Variants in LINGO2 observed in about 807,000 individuals in gnomAD.
The protein encoded by LINGO2 is leucine-rich repeat and immunoglobulin-like domain-containing nogo receptor-interacting protein 2.
LINGO2 carries 14 observed loss-of-function variants against 30.6 expected under a neutral mutation model. That is an observed-to-expected ratio of 0.46 (90% CI 0.30 to 0.72). The LOEUF is 0.72. LINGO2 is among the 30% of genes least tolerant of loss of function. The pLI, the probability that LINGO2 is intolerant of heterozygous loss-of-function variation, is 0.07. For synonymous variants in LINGO2, 317 were observed against 288.5 expected (o/e 1.10, Z -1.00); for missense variants, 729 against 751.7 (o/e 0.97, Z 0.35).
intron 4 of LINGO2, among the ~76,000 whole-genome samples, chr9:28,082,992 C>G (rs1387028266): frequency 1.3e-5 from 2 of 152,184 alleles, no homozygotes; most frequent in African/African-American, 2.4e-5. Flanking sequence ...TCCCATAGCA[C>G]TGGTGTTTAC....
At chr9:28,883,217 C>T in the LINGO2 span, among the ~76,000 whole-genome samples, 72 of 152,154 alleles carry the variant, frequency 4.7e-4, no homozygotes, top group South Asian at 5.8e-3. Context: ...TATTTAGAGA[C>T]GGAGTCTTGC....
the LINGO2 span, among the ~76,000 whole-genome samples, chr9:28,991,052 C>A: frequency 1.3e-5 from 2 of 152,026 alleles, no homozygotes; most frequent in African/African-American, 2.4e-5. Context: ...AGGCTTCAGA[C>A]GATCAAACTA....
intron 3 of LINGO2, among the ~76,000 whole-genome samples, chr9:28,345,915 G>C (rs1196630466): frequency 1.3e-5 from 2 of 152,104 alleles, no homozygotes; most frequent in Admixed American, 1.3e-4. Flanking sequence ...TATCATGACA[G>C]CGATCCCATT....
the LINGO2 span, among the ~76,000 whole-genome samples, chr9:28,845,400 G>A: frequency 6.6e-6 from 1 of 151,808 alleles, no homozygotes; most frequent in Non-Finnish European, 1.5e-5. Flanking sequence ...AATAAGAATT[G>A]CCTTTCATTA....
chr9:28,174,688 A>C (rs1828693854), intron 4 of LINGO2, among the ~76,000 whole-genome samples: 2 of 152,324 alleles, frequency 1.3e-5, no homozygotes, highest in Non-Finnish European at 2.9e-5. Context: ...TATACATCAC[A>C]CCGTATGGTG....
At chr9:29,117,184 G>A in the LINGO2 span, among the ~76,000 whole-genome samples, 3 of 152,262 alleles carry the variant, frequency 2.0e-5, no homozygotes, top group African/African-American at 4.8e-5. Flanking sequence ...TGATTGTTGA[G>A]GTTGTGCTCT....
rs537876214 is a variant in LINGO2, at chr9:28,519,075, C to A, written c.-364-43050G>T. ...GAGACAGGGTCTGACTCTTGTTGCC[C>A]AGGCTGGAGTGCGGTGGTATGATCA... is the stretch of plus-strand genomic sequence containing the variant. On this transcript the variant is annotated intron_variant, in intron 1 of 5. Coordinates refer to ENST00000379992, the Ensembl canonical transcript of LINGO2. 3.7e-4 allele frequency among the ~76,000 whole-genome samples: 56 copies of A among 152,148 alleles called. 1 individual carries two copies. Among genetic ancestry groups the A allele is most frequent in the Non-Finnish European group, 5.9e-4 (40 of 67,992 alleles).
chr9:28,653,801 A>C (rs1390772093), intron 1 of LINGO2, among the ~76,000 whole-genome samples: 1 of 152,072 alleles, frequency 6.6e-6, no homozygotes, highest in East Asian at 1.9e-4. Flanking sequence ...CTTTTCATTC[A>C]TCAGGGCACA....
intron 1 of LINGO2, among the ~76,000 whole-genome samples, chr9:28,517,956 T>C (rs140383272): frequency 6.6e-6 from 1 of 152,274 alleles, no homozygotes; most frequent in East Asian, 1.9e-4. Context: ...TGTTCGAACA[T>C]AGCAGTCTGG....
At chr9:28,680,871 A>T in the LINGO2 span, among the ~76,000 whole-genome samples, 1,411 of 151,772 alleles carry the variant, frequency 9.3e-3, 21 homozygotes, top group African/African-American at 0.033. Flanking sequence ...TTGACATTAA[A>T]CCCTTGTCAG....
chr9:28,338,732 TCTGCTGCCCTGTGAAGAAGGACGTTC>T (rs1395752412), intron 3 of LINGO2, among the ~76,000 whole-genome samples: 5 of 152,124 alleles, frequency 3.3e-5, no homozygotes, highest in Non-Finnish European at 7.4e-5. Context: ...TCTTCTTTTC[TCTGCTGCCCTGTGAAGAAGGACGTTC>T]CTGCTTCCCC....
chr9:28,935,616 G>C, the LINGO2 span, among the ~76,000 whole-genome samples: 2 of 151,724 alleles, frequency 1.3e-5, no homozygotes, highest in African/African-American at 4.8e-5. Flanking sequence ...TATTCATATT[G>C]CTTTAGAAAG....
At chr9:28,371,286 T>A (rs568073433) in intron 3 of LINGO2, among the ~76,000 whole-genome samples, 1 of 152,344 alleles carries the variant, frequency 6.6e-6, no homozygotes, top group East Asian at 1.9e-4. Context: ...AGTGTTTTAG[T>A]TTGTTCTAGC....
the LINGO2 span, among the ~76,000 whole-genome samples, chr9:29,015,072 A>G: frequency 6.6e-6 from 1 of 152,234 alleles, no homozygotes; most frequent in East Asian, 1.9e-4. Flanking sequence ...CGGCAGAATA[A>G]TTTGGAGTAT....
At chr9:28,093,155 A>C (rs1280882893) in intron 4 of LINGO2, among the ~76,000 whole-genome samples, 1 of 152,072 alleles carries the variant, frequency 6.6e-6, no homozygotes, top group Non-Finnish European at 1.5e-5. Flanking sequence ...TCTGCTTTTC[A>C]ATTAACTCTT....
chr9:28,978,477 A>G, the LINGO2 span, among the ~76,000 whole-genome samples: 6 of 152,082 alleles, frequency 3.9e-5, no homozygotes, highest in Non-Finnish European at 7.4e-5. Context: ...AGGAAACCTA[A>G]TTAAATTTCA....
chr9:28,621,607 T>G (rs1025996284), intron 1 of LINGO2, among the ~76,000 whole-genome samples: 5 of 152,014 alleles, frequency 3.3e-5, no homozygotes, highest in African/African-American at 4.8e-5. Context: ...TATATAAATG[T>G]CATTGGTTTT....
the LINGO2 span, among the ~76,000 whole-genome samples, chr9:29,057,890 G>A: frequency 0.34 from 52,318 of 151,932 alleles, 10,237 homozygotes; most frequent in Non-Finnish European, 0.43. Context: ...GAAAGGCCAC[G>A]CCTAAAGAAC....
intron 4 of LINGO2, among the ~76,000 whole-genome samples, chr9:28,090,819 C>T (rs550877953): frequency 1.7e-4 from 26 of 152,292 alleles, no homozygotes; most frequent in Admixed American, 8.5e-4. Flanking sequence ...AAAACCCCAT[C>T]GTCTTAGCTC....
Sources: gnomAD v4.1 joint callset for allele counts (sites outside exome capture counted in the v4.1 genomes callset) on GRCh38, gnomAD v4.1.1 for gene constraint, MANE v1.5 for transcripts, NCBI Gene and HGNC (gene_info 2026-07-23, HGNC 2026-07-21) for gene names.